Variants in KIF20B observed in about 807,000 individuals in gnomAD.
KIF20B encodes the protein kinesin-like protein KIF20B.
Under a neutral mutation model 232.5 loss-of-function variants are expected in KIF20B, and 188 were observed. The observed-to-expected ratio is 0.81, with a 90% CI of 0.72 to 0.91. The LOEUF (loss-of-function observed/expected upper bound fraction) is 0.91, where lower values mean the gene tolerates loss of function less well. KIF20B is among the 40% of genes least tolerant of loss of function. The pLI is 0.00. For missense variants in KIF20B, 2,154 were observed against 2,055.9 expected, an observed-to-expected ratio of 1.05 and a Z score of -0.92; for synonymous variants, 712 against 683.0, an observed-to-expected ratio of 1.04 and a Z score of -0.66.
rs751324087 is a variant in KIF20B, at chr10:89,762,687, A to G, written c.4841A>G (p.Gln1614Arg). Residue 1614 changes from glutamine (Q) to arginine (R), a missense_variant, in exon 29 of 33, where the codon CAA (glutamine) becomes CGA (arginine). Physicochemically the swap from Gln to Arg is conservative, Grantham distance 43. Transcript: ENST00000371728. ...DSCEVSTEND[Q>R]STRFPKPELE... is the part of the protein sequence containing the mutation. ...TGTGAAGTGTCAACAGAAAATGATC[A>G]AAGCACTCGATTTCCAAAACCTGAG... is the stretch of plus-strand genomic sequence containing the variant. The G allele has an allele frequency of 6.2e-7, 1 of 1,613,684 alleles. No homozygotes were observed. Among genetic ancestry groups the G allele is most frequent in the Non-Finnish European group, 8.5e-7 (1 of 1,179,762 alleles).
At chr10:89,762,868 A>G (rs1408662656) in intron 29 of KIF20B, 33 bp downstream of exon 29, 2 of 1,441,776 alleles carry the variant, frequency 1.4e-6, no homozygotes, top group East Asian at 2.3e-5. Context: ...AATTTAATGA[A>G]CAAATCTTAT....
At position 89,758,767 on chromosome 10, in the gene KIF20B, G is replaced by A. The variant is rs770586475; in HGVS notation, c.4565G>A (p.Arg1522Gln). The stretch of plus-strand genomic sequence containing the variant: ...GACCTTCAAAAGTGGCGAGAAGAAC[G>A]AGATCAACTGGTTGCAGCTTTAGAA... ...DSDLQKWREE[R>Q]DQLVAALEIQ... The change falls in exon 27 of 33, where the codon CGA becomes CAA. Residue 1522 changes from arginine (R) to glutamine (Q), a missense_variant. Coordinates refer to ENST00000371728, the MANE Select transcript of KIF20B (RefSeq NM_001284259.2). 14 of 1,607,784 alleles carry A rather than the reference G, an allele frequency of 8.7e-6. No individual in the cohort carries two copies. In the East Asian group the frequency reaches 9.0e-5, roughly 10 times the overall value.
chr10:89,764,812 G>A lies in KIF20B; in HGVS notation c.4989+1977G>A, dbSNP rs182721163. 6.8e-3 allele frequency among the ~76,000 whole-genome samples: 1,038 copies of A among 152,078 alleles called. 27 individuals are homozygous for A. Among genetic ancestry groups the A allele is most frequent in the Admixed American group, 0.036 (550 of 15,262 alleles). On this transcript the variant is annotated intron_variant, in intron 29 of 32. Coordinates refer to ENST00000371728, the MANE Select transcript of KIF20B (RefSeq NM_001284259.2). ...TGGATATTAGCCCTTTGTCAGATGA[G>A]TAGGTTGCGAAAATTTTCTCCCATT...
At position 89,714,997 on chromosome 10, in the gene KIF20B, C is replaced by T; in HGVS notation, c.755C>T (p.Ser252Phe). The T allele has an allele frequency of 6.3e-7, 1 of 1,593,730 alleles. No homozygotes were observed. Among genetic ancestry groups the T allele is most frequent in the African/African-American group, 1.4e-5 (1 of 73,902 alleles). Residue 252 changes from serine (S) to phenylalanine (F), a missense_variant, in exon 8 of 33, where the codon TCC becomes TTC. Physicochemically the swap from Ser to Phe is radical, Grantham distance 155. Coordinates refer to ENST00000371728, the MANE Select transcript of KIF20B (RefSeq NM_001284259.2). ...TTGAATATCTCAGAGTTTGAAGAAT[C>T]CATAAAAGATTATGAACAAGCCAAC... ...NSLNISEFEESIKDYEQANLN... is the reference protein window; with the variant it reads ...NSLNISEFEEFIKDYEQANLN...
intron 29 of KIF20B, among the ~76,000 whole-genome samples, chr10:89,764,543 C>T (rs1356101862): frequency 3.9e-5 from 6 of 152,152 alleles, no homozygotes; most frequent in Non-Finnish European, 8.8e-5. Context: ...TTCTCCACAT[C>T]CTCTCCAGCA....
chr10:89,748,877 A>G (rs1047003455), intron 23 of KIF20B, among the ~76,000 whole-genome samples: 3 of 151,936 alleles, frequency 2.0e-5, no homozygotes, highest in Middle Eastern at 3.2e-3. Context: ...CACCTTTTCT[A>G]TGCTTCTAAG....
intron 18 of KIF20B, among the ~76,000 whole-genome samples, chr10:89,730,001 G>A (rs927317804): frequency 2.0e-5 from 3 of 152,096 alleles, no homozygotes; most frequent in South Asian, 2.1e-4. Flanking sequence ...AGAAGCAGGC[G>A]TGGTATCTTA....
Position 89,709,470 on chromosome 10 carries a change from G to A in KIF20B, c.351+9G>A. 6.4e-7 allele frequency: 1 copy of A among 1,571,014 alleles called. No individual in the cohort carries two copies. The highest frequency in any genetic ancestry group is 1.4e-5 in the African/African-American group (1 of 73,826). On this transcript the variant is annotated intron_variant, in intron 4 of 32. Transcript: ENST00000371728. ...AATTCAGTTTTTCCAAGGTAAAACT[G>A]AAGTGTTTTTGTTTTTTGTTTTAAA...
At chr10:89,723,930 C>G (rs752264778) in intron 13 of KIF20B, 34 bp from the exon 14 acceptor site, 4 of 1,387,758 alleles carry the variant, frequency 2.9e-6, no homozygotes, top group African/African-American at 3.0e-5. Context: ...TATATTTATT[C>G]TTTTATAAGA....
At chr10:89,769,859 A>G (rs1842432668) in intron 31 of KIF20B, among the ~76,000 whole-genome samples, 2 of 151,960 alleles carry the variant, frequency 1.3e-5, no homozygotes, top group South Asian at 4.1e-4. Flanking sequence ...GAATGACAGC[A>G]ATAGGATGAA....
chr10:89,740,870 A>G (rs1276450524), intron 21 of KIF20B, among the ~76,000 whole-genome samples: 1 of 152,104 alleles, frequency 6.6e-6, no homozygotes, highest in African/African-American at 2.4e-5. Flanking sequence ...ATTGCTACTT[A>G]TAGAGGTATC....
At chr10:89,755,470 T>A (rs1483260704) in intron 26 of KIF20B, among the ~76,000 whole-genome samples, 1 of 92,236 alleles carries the variant, frequency 1.1e-5, no homozygotes, top group Admixed American at 1.6e-4. Context: ...TCCCCTCCCC[T>A]CCCTCCCCTT....
Position 89,732,987 on chromosome 10 carries a change from A to G in KIF20B, c.2476A>G (p.Lys826Glu), listed in dbSNP as rs778890662. 10 of 1,613,584 alleles carry G rather than the reference A, an allele frequency of 6.2e-6. No homozygotes were observed. Among genetic ancestry groups the G allele is most frequent in the Non-Finnish European group, 8.5e-6 (10 of 1,179,576 alleles). ...TGAAGTACCTAAGGACAGCAAATCT[A>G]AAATCTGTTCAGAAAGAAAAAGAGT... ...TVEVPKDSKS[K>E]ICSERKRVNE... is the part of the protein sequence containing the mutation. Residue 826 changes from lysine (K) to glutamate (E), a missense_variant, in exon 19 of 33, where the codon AAA becomes GAA. Lys to Glu is a moderately conservative substitution (Grantham distance 56). Transcript: ENST00000371728.
rs899073662 is a variant in KIF20B, at chr10:89,738,829, C to T, written c.3777-129C>T. On this transcript the variant is annotated intron_variant, in intron 20 of 32. Coordinates refer to ENST00000371728, the MANE Select transcript of KIF20B (RefSeq NM_001284259.2). The stretch of plus-strand genomic sequence containing the variant: ...ATCATATGAAATATTTTCTGAAGAA[C>T]TCATTCATAGTTTGGATATTCCAAA... 7 of 1,190,278 alleles carry T rather than the reference C, an allele frequency of 5.9e-6. No individual in the cohort carries two copies. In the African/African-American group the frequency reaches 7.7e-5, roughly 13 times the overall value. 73.7% of individuals were successfully genotyped at this position (1,190,278 alleles called of 1,614,324 possible).
intron 19 of KIF20B, among the ~76,000 whole-genome samples, chr10:89,733,397 T>G (rs930419457): frequency 5.3e-5 from 8 of 152,192 alleles, no homozygotes; most frequent in African/African-American, 1.9e-4. Flanking sequence ...TTTCTTTGTT[T>G]GCATTCTTTA....
chr10:89,752,170 T>C (rs1411065805), intron 24 of KIF20B, among the ~76,000 whole-genome samples: 3 of 152,076 alleles, frequency 2.0e-5, no homozygotes, highest in Non-Finnish European at 4.4e-5. Context: ...ACCCTAAAAC[T>C]CTATTATAAC....
intron 6 of KIF20B, among the ~76,000 whole-genome samples, chr10:89,711,788 A>G (rs567998567): frequency 6.6e-6 from 1 of 152,062 alleles, no homozygotes; most frequent in African/African-American, 2.4e-5. Flanking sequence ...TGTGCGTTTT[A>G]TCTGTTATGT....
intron 29 of KIF20B, among the ~76,000 whole-genome samples, chr10:89,767,757 C>T (rs1476216653): frequency 1.3e-5 from 2 of 151,904 alleles, no homozygotes; most frequent in African/African-American, 2.4e-5. Context: ...TTTGAAGTTT[C>T]GTTTTTATTT....
intron 21 of KIF20B, among the ~76,000 whole-genome samples, chr10:89,741,495 G>T (rs1841792804): frequency 6.6e-6 from 1 of 152,176 alleles, no homozygotes; most frequent in Admixed American, 6.5e-5. Context: ...CAAATGTGTA[G>T]TTTTAAAGCA....
Sources: allele counts gnomAD v4.1 joint callset (sites outside exome capture counted in the v4.1 genomes callset), GRCh38; gene constraint gnomAD v4.1.1; transcripts MANE v1.5; gene names NCBI Gene and HGNC (gene_info 2026-07-23, HGNC 2026-07-21).